Variants in PRKG1 observed in about 807,000 individuals in gnomAD.
The protein encoded by PRKG1 is cGMP-dependent protein kinase 1.
PRKG1 carries 35 observed loss-of-function variants against 88.1 expected under a neutral mutation model. The observed-to-expected ratio is 0.40, with a 90% CI of 0.30 to 0.53. The LOEUF (loss-of-function observed/expected upper bound fraction) is 0.53. Among genes scored for constraint, PRKG1 ranks in the 20% least tolerant of loss-of-function variants. The pLI is 0.59. For synonymous variants in PRKG1, 303 were observed against 292.5 expected (o/e 1.04, Z -0.37); for missense variants, 540 against 839.8 (o/e 0.64, Z 4.41).
At chr10:51,527,792 T>C (rs1841919746) in intron 3 of PRKG1, among the ~76,000 whole-genome samples, 1 of 152,224 alleles carries the variant, frequency 6.6e-6, no homozygotes, top group Non-Finnish European at 1.5e-5. Context: ...TAAGAAGAGT[T>C]ATTTCTGTTT....
At chr10:51,863,120 A>G (rs900073031) in intron 4 of PRKG1, among the ~76,000 whole-genome samples, 2 of 134,384 alleles carry the variant, frequency 1.5e-5, no homozygotes, top group Non-Finnish European at 3.2e-5. Flanking sequence ...GCCCATATAA[A>G]TCAGTAGGAC....
intron 7 of PRKG1, among the ~76,000 whole-genome samples, chr10:52,080,117 C>A (rs1846734159): frequency 6.6e-6 from 1 of 152,166 alleles, no homozygotes; most frequent in African/African-American, 2.4e-5. Flanking sequence ...AGAATAAAAA[C>A]CTAAATTCTC....
At chr10:51,985,652 C>A (rs1844135813) in intron 5 of PRKG1, among the ~76,000 whole-genome samples, 1 of 152,056 alleles carries the variant, frequency 6.6e-6, no homozygotes, top group African/African-American at 2.4e-5. Flanking sequence ...TTTTTTATAG[C>A]CACTTGTTTT....
At chr10:52,137,446 CTTA>C (rs1837458551) in intron 8 of PRKG1, among the ~76,000 whole-genome samples, 1 of 151,990 alleles carries the variant, frequency 6.6e-6, no homozygotes. Flanking sequence ...TTTGGTACCT[CTTA>C]TTTTGGAATC....
Position 51,923,890 on chromosome 10 carries a change from G to A in PRKG1, c.762+16320G>A, listed in dbSNP as rs1001965253. Among the ~76,000 whole-genome samples the A allele has an allele frequency of 7.8e-4, 118 of 151,492 alleles. 2 individuals carry two copies. Among genetic ancestry groups the A allele is most frequent in the Non-Finnish European group, 7.4e-5 (5 of 67,850 alleles). ...GTTGCCCAGGCTAGAGTGCAGTGATGCAATCACAGCTCACTGCAACCTCTA... is the reference window on the plus strand; with the variant it reads ...GTTGCCCAGGCTAGAGTGCAGTGATACAATCACAGCTCACTGCAACCTCTA... On this transcript the variant is annotated intron_variant, in intron 5 of 17. Coordinates refer to ENST00000373980, the MANE Select transcript of PRKG1 (RefSeq NM_006258.4).
chr10:51,404,279 C>A (rs575966028), intron 2 of PRKG1, among the ~76,000 whole-genome samples: 1 of 152,202 alleles, frequency 6.6e-6, no homozygotes, highest in Non-Finnish European at 1.5e-5. Context: ...AGTATTTCAA[C>A]AAATGCGAAT....
At chr10:51,134,452 A>G (rs1272340260) in intron 1 of PRKG1, among the ~76,000 whole-genome samples, 1 of 152,184 alleles carries the variant, frequency 6.6e-6, no homozygotes, top group East Asian at 1.9e-4. Context: ...TCTTTGAAAA[A>G]TGTAGTACTT....
At chr10:51,637,301 T>C (rs1016811254) in intron 3 of PRKG1, among the ~76,000 whole-genome samples, 2 of 152,134 alleles carry the variant, frequency 1.3e-5, no homozygotes, top group African/African-American at 2.4e-5. Flanking sequence ...GAAAAAGGAA[T>C]TCCTTTACAC....
intron 4 of PRKG1, among the ~76,000 whole-genome samples, chr10:51,822,775 T>A (rs556993870): frequency 6.6e-6 from 1 of 152,274 alleles, no homozygotes; most frequent in East Asian, 1.9e-4. Flanking sequence ...CCTTGTGTGG[T>A]GCATCAGGGC....
intron 2 of PRKG1, among the ~76,000 whole-genome samples, chr10:51,423,038 A>C (rs1838463771): frequency 6.6e-6 from 1 of 152,032 alleles, no homozygotes; most frequent in Non-Finnish European, 1.5e-5. Context: ...TACTTATAGA[A>C]GCCAAATAAT....
chr10:52,183,098 T>C (rs1319011188), intron 9 of PRKG1, among the ~76,000 whole-genome samples: 1 of 152,132 alleles, frequency 6.6e-6, no homozygotes, highest in Non-Finnish European at 1.5e-5. Context: ...CATGAAGACA[T>C]CACCAAGCCA....
chr10:51,004,568 A>G (rs901998560), intron 1 of PRKG1, among the ~76,000 whole-genome samples: 20 of 152,236 alleles, frequency 1.3e-4, no homozygotes, highest in African/African-American at 4.1e-4. Flanking sequence ...ATTAAAAAAA[A>G]TCAAATGTGC....
intron 2 of PRKG1, among the ~76,000 whole-genome samples, chr10:51,394,863 A>G (rs1837534439): frequency 6.6e-6 from 1 of 152,180 alleles, no homozygotes; most frequent in South Asian, 2.1e-4. Context: ...CTTAATCACT[A>G]TTCAAGCAAC....
chr10:51,841,430 G>A (rs1197287416), intron 4 of PRKG1, among the ~76,000 whole-genome samples: 1 of 152,160 alleles, frequency 6.6e-6, no homozygotes, highest in African/African-American at 2.4e-5. Flanking sequence ...AGTGATACAA[G>A]AACATATTAA....
intron 1 of PRKG1, among the ~76,000 whole-genome samples, chr10:51,066,703 A>G (rs985663647): frequency 3.9e-5 from 6 of 152,138 alleles, no homozygotes; most frequent in African/African-American, 1.4e-4. Flanking sequence ...TTATGTATTT[A>G]CTGTATATTT....
chr10:51,707,050 T>G (rs951375415), intron 3 of PRKG1, among the ~76,000 whole-genome samples: 23 of 152,136 alleles, frequency 1.5e-4, no homozygotes, highest in Non-Finnish European at 4.4e-5. Context: ...CTTGTCAGAT[T>G]ATATTATTTT....
At chr10:51,091,207 AT>A (rs1035182737) in intron 1 of PRKG1, among the ~76,000 whole-genome samples, 26 of 152,212 alleles carry the variant, frequency 1.7e-4, no homozygotes, top group African/African-American at 5.1e-4. Flanking sequence ...AAGAAAGATT[AT>A]TTTTAACAGC....
At chr10:51,163,042 G>A (rs554906382) in intron 2 of PRKG1, among the ~76,000 whole-genome samples, 2 of 152,124 alleles carry the variant, frequency 1.3e-5, no homozygotes, top group African/African-American at 4.8e-5. Context: ...AACCCGAATA[G>A]TAATCCCAGC....
chr10:52,161,588 G>A (rs1838277434), intron 8 of PRKG1, among the ~76,000 whole-genome samples: 1 of 152,032 alleles, frequency 6.6e-6, no homozygotes, highest in Non-Finnish European at 1.5e-5. Flanking sequence ...ATCATTTAGT[G>A]TGTCACAGAC....
Sources: allele counts gnomAD v4.1 joint callset (sites outside exome capture counted in the v4.1 genomes callset), GRCh38; gene constraint gnomAD v4.1.1; transcripts MANE v1.5; gene names NCBI Gene and HGNC (gene_info 2026-07-23, HGNC 2026-07-21).